The following QRFP variants were observed in gnomAD, a reference collection of about 807,000 sequenced individuals.
QRFP encodes orexigenic neuropeptide QRFP.
In QRFP, 7 loss-of-function variants were observed where a neutral mutation model predicts 9.1. The observed-to-expected ratio is 0.77, with a 90% confidence interval of 0.44 to 1.45. QRFP has a LOEUF of 1.45. Ranked by LOEUF, QRFP falls within the 40% of genes most tolerant of loss-of-function variation. The pLI, the probability that QRFP is intolerant of heterozygous loss-of-function variation, is 0.01. For synonymous variants in QRFP, 91 were observed against 80.2 expected (o/e 1.13, Z -0.72); for missense variants, 204 against 185.4 (o/e 1.10, Z -0.58).
In QRFP at chr9:130,893,488, C is replaced by T. The variant is rs1243883465; in HGVS notation, c.351G>A (p.Glu117=). ...TCTTCCTGCTGTAGCCATTGAGCTC[C>T]TCAGCCAGGTTCCCTAACGGGCCGC... The part of the protein sequence containing the change: ...KTSGPLGNLA[E]ELNGYSRKKG... The change falls in exon 3 of 3, where the codon GAG becomes GAA. Residue 117 remains glutamate, a synonymous_variant. Transcript: ENST00000623824. 2.5e-6 allele frequency: 4 copies of T among 1,608,912 alleles called. No homozygotes were observed. The African/African-American group carries it at 4.0e-5, about 16-fold the overall frequency.
chr9:130,893,506 C>T lies in QRFP; in HGVS notation c.333G>A (p.Pro111=), dbSNP rs764138548. ...TGAGCTCCTCAGCCAGGTTCCCTAA[C>T]GGGCCGCTGGTCTTCTCCCCCGCAG... The part of the protein sequence containing the change: ...LPAAGEKTSG[P]LGNLAEELNG... Residue 111 remains proline, a synonymous_variant, in exon 3 of 3, where the codon CCG becomes CCA. Coordinates refer to ENST00000623824, the MANE Select transcript of QRFP (RefSeq NM_198180.3). The T allele has an allele frequency of 3.1e-5, 50 of 1,611,160 alleles. No homozygotes were observed. The highest frequency in any genetic ancestry group is 1.3e-4 in the South Asian group (12 of 90,976).
rs1480617622 is a variant in QRFP at position 130,893,386 on chromosome 9, G to A, written c.*42C>T. 2.0e-6 allele frequency: 3 copies of A among 1,525,834 alleles called. No homozygotes were observed. The highest frequency in any genetic ancestry group is 2.0e-5 in the Admixed American group (1 of 48,890). The allele number at this position is 1,525,834 out of a possible 1,614,324, so 94.5% of individuals were successfully genotyped here. A position where few individuals can be genotyped will look rare whatever the true frequency, so the allele number is the denominator to read the frequency against. On this transcript the variant is annotated 3_prime_UTR_variant, in exon 3 of 3. Transcript: ENST00000623824. Reference sequence around the variant, plus strand: ...AGAAGGCAGGAGTGAAGACAATGGGGGTGAGTCCAAGAAGCAAATCCTTCC... The same window carrying A: ...AGAAGGCAGGAGTGAAGACAATGGGAGTGAGTCCAAGAAGCAAATCCTTCC...
chr9:130,894,166 T>C (rs970828163), intron 2 of QRFP, among the ~76,000 whole-genome samples: 5 of 152,168 alleles, frequency 3.3e-5, no homozygotes, highest in Admixed American at 2.0e-4. Context: ...TTTTCTCTTA[T>C]TATAAAATGG....
chr9:130,895,272 C>T (rs111749980), intron 2 of QRFP, among the ~76,000 whole-genome samples: 39 of 152,286 alleles, frequency 2.6e-4, no homozygotes, highest in African/African-American at 6.7e-4. Context: ...GACCAGGGAC[C>T]GTTGCATCCT....
In QRFP at chr9:130,893,385, G is replaced by T; in HGVS notation, c.*43C>A. 1 of 1,524,848 alleles carries T rather than the reference G, an allele frequency of 6.6e-7. No homozygotes were observed. 94.5% of individuals were successfully genotyped at this position (1,524,848 alleles called of 1,614,324 possible). A position where few individuals can be genotyped will look rare whatever the true frequency, so the allele number is the denominator to read the frequency against. Reference sequence around the variant, plus strand: ...GAGAAGGCAGGAGTGAAGACAATGGGGGTGAGTCCAAGAAGCAAATCCTTC... The same window carrying T: ...GAGAAGGCAGGAGTGAAGACAATGGTGGTGAGTCCAAGAAGCAAATCCTTC... On this transcript the variant is annotated 3_prime_UTR_variant, in exon 3 of 3. Coordinates refer to ENST00000623824, the MANE Select transcript of QRFP (RefSeq NM_198180.3).
At position 130,893,322 on chromosome 9, in the gene QRFP, C is replaced by T; in HGVS notation, c.*106G>A. ...CCATGGATCGTTCATCGTAACCAAG[C>T]CTACATCATCTGGGTGTCGTGGTCT... On this transcript the variant is annotated 3_prime_UTR_variant, in exon 3 of 3. Coordinates refer to ENST00000623824, the MANE Select transcript of QRFP (RefSeq NM_198180.3). 1 of 1,215,714 alleles carries T rather than the reference C, an allele frequency of 8.2e-7. No individual in the cohort carries two copies. Among genetic ancestry groups the T allele is most frequent in the Non-Finnish European group, 1.2e-6 (1 of 866,816 alleles). 75.3% of individuals were successfully genotyped at this position (1,215,714 alleles called of 1,614,324 possible). A position where few individuals can be genotyped will look rare whatever the true frequency, so the allele number is the denominator to read the frequency against.
In QRFP at chr9:130,893,717, G is replaced by T; in HGVS notation, c.122C>A (p.Ala41Asp). The change falls in exon 3 of 3, where the codon GCC becomes GAC. Residue 41 changes from alanine to aspartate, a missense_variant. Physicochemically the swap from Ala to Asp is moderately radical, Grantham distance 126. Transcript: ENST00000623824. ...MGGLGAGERW[A>D]DLAMGPRPHS... ...GGGTCGGGGCCCCATGGCCAGGTCG[G>T]CCCAGCGTTCTCCAGCTCCGAGGCC... is the stretch of plus-strand genomic sequence containing the variant. 1 of 1,610,510 alleles carries T rather than the reference G, an allele frequency of 6.2e-7. No individual in the cohort carries two copies. Among genetic ancestry groups the T allele is most frequent in the Non-Finnish European group, 8.5e-7 (1 of 1,178,464 alleles).
rs904695391 is a variant in QRFP, at chr9:130,893,223, C to CT, written c.*204dup. 2 of 493,002 alleles carry CT rather than the reference C, an allele frequency of 4.1e-6. No homozygotes were observed. The highest frequency in any genetic ancestry group is 4.0e-5 in the African/African-American group (2 of 50,304). The allele number at this position is 493,002 out of a possible 1,614,324, so 30.5% of individuals were successfully genotyped here. On this transcript the variant is annotated 3_prime_UTR_variant, in exon 3 of 3. Coordinates refer to ENST00000623824, the MANE Select transcript of QRFP (RefSeq NM_198180.3). Reference sequence around the variant, plus strand: ...ACGACCGAGGCTCCAAGACAGCCTCCTTTTTGACACTGCCTAGTTTTTCGC... The same window carrying CT: ...ACGACCGAGGCTCCAAGACAGCCTCCTTTTTTGACACTGCCTAGTTTTTCGC...
chr9:130,893,502 C>T lies in QRFP; in HGVS notation c.337G>A (p.Gly113Arg). ...CCATTGAGCTCCTCAGCCAGGTTCC[C>T]TAACGGGCCGCTGGTCTTCTCCCCC... ...AAGEKTSGPL[G>R]NLAEELNGYS... is the part of the protein sequence containing the mutation. The change falls in exon 3 of 3, where the codon GGG becomes AGG. Residue 113 changes from glycine (G) to arginine (R), a missense_variant. Physicochemically the swap from Gly to Arg is moderately radical, Grantham distance 125. Transcript: ENST00000623824. 2 of 1,611,282 alleles carry T rather than the reference C, an allele frequency of 1.2e-6. No individual in the cohort carries two copies. Among genetic ancestry groups the T allele is most frequent in the Non-Finnish European group, 1.7e-6 (2 of 1,178,570 alleles).
At position 130,893,133 on chromosome 9, in the gene QRFP, G is replaced by A. The variant is rs566316844; in HGVS notation, c.*295C>T. ...CACTCATGGCCCAGCCACAGCCTCA[G>A]CTCCGTGCCCCTGGGGCCAGGGGGC... On this transcript the variant is annotated 3_prime_UTR_variant, in exon 3 of 3. Coordinates refer to ENST00000623824, the MANE Select transcript of QRFP (RefSeq NM_198180.3). 1 of 292,190 alleles carries A rather than the reference G, an allele frequency of 3.4e-6. No individual in the cohort carries two copies. Among genetic ancestry groups the A allele is most frequent in the East Asian group, 6.7e-5 (1 of 15,030 alleles). 18.1% of individuals were successfully genotyped at this position (292,190 alleles called of 1,614,324 possible).
intron 2 of QRFP, 31 bp from the exon 3 acceptor site, chr9:130,893,869 A>G: frequency 6.7e-7 from 1 of 1,491,682 alleles, no homozygotes; most frequent in Non-Finnish European, 8.9e-7. Flanking sequence ...GCAGAGTGAC[A>G]GGCTGCACAC....
Position 130,893,444 on chromosome 9 carries a change from C to A in QRFP, c.395G>T (p.Arg132Leu). Residue 132 changes from arginine (R) to leucine (L), a missense_variant, in exon 3 of 3, where the codon CGC becomes CTC. Physicochemically the swap from Arg to Leu is moderately radical, Grantham distance 102 (BLOSUM62 -2). Transcript: ENST00000623824. ...CCTGGCCCTTCACCGCCGACCGAAG[C>A]GGAAGCTGAAGCCGCCTTTCTTCCT... Reference protein sequence around the residue: ...YSRKKGGFSFRFGRR With the variant: ...YSRKKGGFSFLFGRR 1 of 1,585,810 alleles carries A rather than the reference C, an allele frequency of 6.3e-7. No individual in the cohort carries two copies. The highest frequency in any genetic ancestry group is 8.6e-7 in the Non-Finnish European group (1 of 1,161,536).
At position 130,896,803 on chromosome 9, in the gene QRFP, CT is replaced by C. The variant is rs1375230439; in HGVS notation, c.-513del. The C allele has an allele frequency of 1.3e-5, 2 of 152,378 alleles. No individual in the cohort carries two copies. Among genetic ancestry groups the C allele is most frequent in the Non-Finnish European group, 2.9e-5 (2 of 68,136 alleles). The allele number at this position is 152,378 out of a possible 1,614,324, so 9.4% of individuals were successfully genotyped here. On this transcript the variant is annotated 5_prime_UTR_variant, in exon 1 of 3. Transcript: ENST00000623824. ...CTGCCTCCGATGGCCTGAGGTGCCC[CT>C]GTCCTGTGTGTGCATGTGTGTGTAT...
chr9:130,893,737 G>A lies in QRFP; in HGVS notation c.102C>T (p.Leu34=), dbSNP rs145979438. 7.2e-4 allele frequency: 1,156 copies of A among 1,610,144 alleles called. 1 individual carries two copies. The highest frequency in any genetic ancestry group is 9.1e-4 in the Non-Finnish European group (1,074 of 1,178,288). The stretch of plus-strand genomic sequence containing the variant: ...GGTCGGCCCAGCGTTCTCCAGCTCC[G>A]AGGCCACCCATGGCGTCTGTGGGCT... ...RREPTDAMGG[L]GAGERWADLA... Residue 34 remains leucine, a synonymous_variant, in exon 3 of 3, where the codon CTC becomes CTT. Transcript: ENST00000623824.
chr9:130,895,103 A>G (rs1350568228), intron 2 of QRFP, among the ~76,000 whole-genome samples: 2 of 152,194 alleles, frequency 1.3e-5, no homozygotes, highest in African/African-American at 4.8e-5. Context: ...AGTTCTTCTA[A>G]GCTTTCGTCC....
chr9:130,895,832 T>C lies in QRFP; in HGVS notation c.-136A>G, dbSNP rs1365514842. ...TCTCCCTGCTTTATATGGCCCGCGG[T>C]GCGCTTGCTGCTCTGCCGACTGCCT... On this transcript the variant is annotated 5_prime_UTR_variant, in exon 2 of 3. Transcript: ENST00000623824. 1 of 152,504 alleles carries C rather than the reference T, an allele frequency of 6.6e-6. No homozygotes were observed. Among genetic ancestry groups the C allele is most frequent in the Non-Finnish European group, 1.5e-5 (1 of 68,322 alleles). The allele number at this position is 152,504 out of a possible 1,614,324, so 9.4% of individuals were successfully genotyped here. A position where few individuals can be genotyped will look rare whatever the true frequency, so the allele number is the denominator to read the frequency against.
At position 130,893,793 on chromosome 9, in the gene QRFP, C is replaced by A; in HGVS notation, c.46G>T (p.Gly16Cys). ...CTGTCCAGTAGAGGGAAGCAGGCGCCCAGCGGCAGGAAGAGGAAGTAGATC... is the reference window on the plus strand; with the variant it reads ...CTGTCCAGTAGAGGGAAGCAGGCGCACAGCGGCAGGAAGAGGAAGTAGATC... The part of the protein sequence containing the change: ...PLIYFLFLPL[G>C]ACFPLLDRRE... The change falls in exon 3 of 3, where the codon GGC becomes TGC. Residue 16 changes from glycine to cysteine, a missense_variant. Transcript: ENST00000623824. The A allele has an allele frequency of 6.4e-7, 1 of 1,558,586 alleles. No individual in the cohort carries two copies. Among genetic ancestry groups the A allele is most frequent in the Non-Finnish European group, 8.7e-7 (1 of 1,153,524 alleles).
Position 130,893,711 on chromosome 9 carries a change from A to T in QRFP, c.128T>A (p.Leu43Gln), listed in dbSNP as rs371196594. ...GGAGTGGGGTCGGGGCCCCATGGCC[A>T]GGTCGGCCCAGCGTTCTCCAGCTCC... ...GLGAGERWADLAMGPRPHSVW... is the reference protein window; with the variant it reads ...GLGAGERWADQAMGPRPHSVW... Residue 43 changes from leucine to glutamine, a missense_variant, in exon 3 of 3, where the codon CTG becomes CAG. By Grantham distance (113) the Leu-to-Gln change is moderately radical. Transcript: ENST00000623824. 4.1e-5 allele frequency: 66 copies of T among 1,609,670 alleles called. No homozygotes were observed. Among genetic ancestry groups the T allele is most frequent in the Non-Finnish European group, 5.0e-5 (59 of 1,178,162 alleles).
At chr9:130,894,952 C>T (rs1304455710) in intron 2 of QRFP, among the ~76,000 whole-genome samples, 1 of 152,192 alleles carries the variant, frequency 6.6e-6, no homozygotes, top group Non-Finnish European at 1.5e-5. Flanking sequence ...GACTAGAGAG[C>T]ACCGGCCCTG....
Sources: gnomAD v4.1 joint callset for allele counts (sites outside exome capture counted in the v4.1 genomes callset) on GRCh38, gnomAD v4.1.1 for gene constraint, MANE v1.5 for transcripts, NCBI Gene and HGNC (gene_info 2026-07-23, HGNC 2026-07-21) for gene names.